Variants in LINGO2 observed in about 807,000 individuals in gnomAD.
The protein encoded by LINGO2 is leucine-rich repeat and immunoglobulin-like domain-containing nogo receptor-interacting protein 2.
LINGO2 carries 14 observed loss-of-function variants against 30.6 expected under a neutral mutation model. The observed-to-expected ratio is 0.46, with a 90% CI of 0.30 to 0.72. LINGO2 has a LOEUF of 0.72. LINGO2 is among the 30% of genes least tolerant of loss of function. The pLI, the probability that LINGO2 is intolerant of heterozygous loss-of-function variation, is 0.07. For synonymous variants in LINGO2, 317 were observed against 288.5 expected (o/e 1.10, Z -1.00); for missense variants, 729 against 751.7 (o/e 0.97, Z 0.35).
chr9:28,188,527 G>A (rs571104489), intron 4 of LINGO2, among the ~76,000 whole-genome samples: 1 of 151,932 alleles, frequency 6.6e-6, no homozygotes, highest in African/African-American at 2.4e-5. Flanking sequence ...TTTTGCCTGG[G>A]AAAAGCTCTG....
intron 5 of LINGO2, among the ~76,000 whole-genome samples, chr9:27,962,651 TG>T (rs1449682431): frequency 2.0e-5 from 3 of 152,164 alleles, no homozygotes; most frequent in Non-Finnish European, 4.4e-5. Flanking sequence ...TGTTGTGCTT[TG>T]TTATTCTCCT....
At chr9:29,106,104 G>C in the LINGO2 span, among the ~76,000 whole-genome samples, 4 of 152,086 alleles carry the variant, frequency 2.6e-5, no homozygotes, top group Non-Finnish European at 4.4e-5. Context: ...AATTTGTTAT[G>C]CAGCAATAGA....
the LINGO2 span, among the ~76,000 whole-genome samples, chr9:28,781,865 T>C: frequency 6.6e-6 from 1 of 152,158 alleles, no homozygotes; most frequent in Non-Finnish European, 1.5e-5. Flanking sequence ...ATTGGCAACA[T>C]TAGGAACATT....
intron 1 of LINGO2, among the ~76,000 whole-genome samples, chr9:28,533,585 A>C (rs1263391424): frequency 2.0e-5 from 3 of 152,160 alleles, no homozygotes; most frequent in African/African-American, 7.2e-5. Flanking sequence ...TAGGTTGATG[A>C]ATCGCAATAG....
the LINGO2 span, among the ~76,000 whole-genome samples, chr9:29,059,485 A>G: frequency 6.6e-6 from 1 of 151,754 alleles, no homozygotes; most frequent in African/African-American, 2.4e-5. Flanking sequence ...CAGACCTACA[A>G]TAAACCACAG....
the LINGO2 span, among the ~76,000 whole-genome samples, chr9:28,710,617 T>A: frequency 2.6e-5 from 4 of 152,112 alleles, no homozygotes; most frequent in Non-Finnish European, 5.9e-5. Context: ...TTGGGATGAC[T>A]GGAACAGTCT....
chr9:29,192,888 C>T, the LINGO2 span, among the ~76,000 whole-genome samples: 1 of 152,186 alleles, frequency 6.6e-6, no homozygotes, highest in East Asian at 1.9e-4. Context: ...CCAGTCCTTA[C>T]TGCTCCACTT....
intron 4 of LINGO2, among the ~76,000 whole-genome samples, chr9:28,160,882 G>T (rs187709331): frequency 1.2e-4 from 19 of 152,040 alleles, no homozygotes; most frequent in Admixed American, 1.0e-3. Context: ...AGCTACTCTT[G>T]CCCACCAGGA....
At chr9:28,305,235 T>C (rs935190222) in intron 3 of LINGO2, among the ~76,000 whole-genome samples, 46 of 152,064 alleles carry the variant, frequency 3.0e-4, no homozygotes, top group Non-Finnish European at 6.5e-4. Context: ...TTCAACCTGA[T>C]GAAGGATATC....
intron 4 of LINGO2, among the ~76,000 whole-genome samples, chr9:28,057,559 A>ATATATACATATACATACACATATATG (rs1563949574): frequency 3.6e-4 from 45 of 126,168 alleles, no homozygotes; most frequent in African/African-American, 1.3e-3. Context: ...ATAAGTATAT[A>ATATATACATATACATACACATATATG]TATATACATA....
intron 4 of LINGO2, among the ~76,000 whole-genome samples, chr9:28,110,614 T>C (rs1028781211): frequency 6.6e-6 from 1 of 152,188 alleles, no homozygotes; most frequent in African/African-American, 2.4e-5. Flanking sequence ...AAGACATTCA[T>C]GCAGCCAACT....
In LINGO2 at chr9:28,375,438, A is replaced by G. The variant is rs373594362; in HGVS notation, c.-278-2570T>C. ...TGCCTGCAGGGCCTTGTTTAGCACC[A>G]AGATCTGAGGGCCTACAGAGTGTCT... On this transcript the variant is annotated intron_variant, in intron 2 of 5. Transcript: ENST00000379992. Among the ~76,000 whole-genome samples, 33 of 152,352 alleles carry G rather than the reference A, an allele frequency of 2.2e-4. 1 individual carries two copies. In the East Asian group the frequency reaches 4.6e-3, roughly 21 times the overall value.
chr9:29,046,713 C>T, the LINGO2 span, among the ~76,000 whole-genome samples: 1 of 152,050 alleles, frequency 6.6e-6, no homozygotes, highest in East Asian at 1.9e-4. Context: ...CCACCAAAAA[C>T]AATCACAACA....
the LINGO2 span, among the ~76,000 whole-genome samples, chr9:28,687,586 T>C: frequency 2.6e-5 from 4 of 152,054 alleles, no homozygotes; most frequent in African/African-American, 7.2e-5. Flanking sequence ...TGAGTCAACA[T>C]ATGTAGGTCA....
chr9:28,073,202 G>A (rs149799036), intron 4 of LINGO2, among the ~76,000 whole-genome samples: 31 of 152,036 alleles, frequency 2.0e-4, no homozygotes, highest in African/African-American at 7.0e-4. Context: ...AGAAGGGCGC[G>A]CCAAAGTCCA....
intron 4 of LINGO2, among the ~76,000 whole-genome samples, chr9:28,238,634 T>C (rs980235777): frequency 6.6e-6 from 1 of 152,092 alleles, no homozygotes; most frequent in Non-Finnish European, 1.5e-5. Flanking sequence ...ACCTATGTGA[T>C]ATGGCAAAAA....
chr9:28,375,502 C>A (rs1418197927), intron 2 of LINGO2, among the ~76,000 whole-genome samples: 1 of 152,180 alleles, frequency 6.6e-6, no homozygotes, highest in Non-Finnish European at 1.5e-5. Flanking sequence ...ATCATCCAGA[C>A]CAATGCGACT....
chr9:29,099,089 G>A, the LINGO2 span, among the ~76,000 whole-genome samples: 1 of 152,130 alleles, frequency 6.6e-6, no homozygotes, highest in South Asian at 2.1e-4. Flanking sequence ...TGTCTGCAGT[G>A]AATTCACTTT....
downstream of LINGO2, chr9:27,947,940 G>C (rs767158044): frequency 1.3e-5 from 2 of 152,124 alleles, no homozygotes; most frequent in African/African-American, 2.4e-5. Context: ...GTGATTAAAT[G>C]AATCATTTTC....
Sources: gnomAD v4.1 joint callset for allele counts (sites outside exome capture counted in the v4.1 genomes callset) on GRCh38, gnomAD v4.1.1 for gene constraint, MANE v1.5 for transcripts, NCBI Gene and HGNC (gene_info 2026-07-23, HGNC 2026-07-21) for gene names.